DIAPH3: variants seen among roughly 807,000 people sequenced by gnomAD.
DIAPH3 encodes protein diaphanous homolog 3.
In DIAPH3, 117 loss-of-function variants were observed where a neutral mutation model predicts 144.3. The observed-to-expected ratio is 0.81, with a 90% CI of 0.70 to 0.95. The LOEUF is 0.95. Ranked by LOEUF, DIAPH3 falls within the 40% of genes least tolerant of loss-of-function variation. The probability of loss-of-function intolerance (pLI) is 0.00; values close to 1 mark genes in which losing one functional copy is unlikely to be tolerated. For synonymous variants in DIAPH3, 519 were observed against 488.9 expected, an observed-to-expected ratio of 1.06 and a Z score of -0.81; for missense variants, 1,421 against 1,412.7, an observed-to-expected ratio of 1.01 and a Z score of -0.09.
At chr13:59,866,804 A>G (rs2043952565) in intron 21 of DIAPH3, among the ~76,000 whole-genome samples, 1 of 152,080 alleles carries the variant, frequency 6.6e-6, no homozygotes, top group Non-Finnish European at 1.5e-5. Flanking sequence ...GTGTATGCAT[A>G]AAATAGCATC....
rs1353337983 is a variant in DIAPH3, at chr13:60,107,960, G to GA, written c.390+4049dup. On this transcript the variant is annotated intron_variant, in intron 3 of 27. Coordinates refer to ENST00000400324, the MANE Select transcript of DIAPH3 (RefSeq NM_001042517.2). ...AAAATAAGAAAAGGTATGAATGCAT[G>GA]AAAAAAGCTATCTTCCATTCATTAT... 5.9e-5 allele frequency among the ~76,000 whole-genome samples: 9 copies of GA among 152,230 alleles called. No homozygotes were observed. In the East Asian group the frequency reaches 1.5e-3, roughly 26 times the overall value.
chr13:59,819,717 C>G (rs551553995), intron 24 of DIAPH3, among the ~76,000 whole-genome samples: 10 of 150,998 alleles, frequency 6.6e-5, no homozygotes, highest in East Asian at 1.9e-4. Flanking sequence ...ATCAAGAATG[C>G]CTTCAAGAAT....
chr13:59,924,694 A>G (rs1288301831), intron 18 of DIAPH3, 81 bp downstream of exon 18: 12 of 1,522,252 alleles, frequency 7.9e-6, no homozygotes, highest in Non-Finnish European at 3.5e-6. Flanking sequence ...GCAAATAATG[A>G]ATAATCGGTC....
At chr13:60,136,926 C>T (rs916085513) in intron 1 of DIAPH3, among the ~76,000 whole-genome samples, 21 of 140,264 alleles carry the variant, frequency 1.5e-4, no homozygotes, top group Non-Finnish European at 2.5e-4. Context: ...GGCGACAGAG[C>T]GAGACTCCGT....
intron 17 of DIAPH3, among the ~76,000 whole-genome samples, chr13:59,955,194 G>GA (rs2049329537): frequency 6.6e-6 from 1 of 151,440 alleles, no homozygotes; most frequent in African/African-American, 2.4e-5. Flanking sequence ...TATTACTACT[G>GA]ATATGCTTTG....
intron 19 of DIAPH3, among the ~76,000 whole-genome samples, chr13:59,914,391 G>T (rs2140250316): frequency 6.6e-6 from 1 of 152,200 alleles, no homozygotes; most frequent in Non-Finnish European, 1.5e-5. Flanking sequence ...TTACATTTTA[G>T]AAATACCCAA....
intron 17 of DIAPH3, among the ~76,000 whole-genome samples, chr13:59,959,837 T>C (rs927873873): frequency 6.6e-6 from 1 of 152,204 alleles, no homozygotes; most frequent in Non-Finnish European, 1.5e-5. Flanking sequence ...ATAGCAGCAA[T>C]AGAAAACTAA....
Position 59,880,737 on chromosome 13 carries a change from A to G in DIAPH3, c.2368-1269T>C, listed in dbSNP as rs533759843. Among the ~76,000 whole-genome samples the G allele has an allele frequency of 1.5e-3, 221 of 152,226 alleles. 1 individual carries two copies. The highest frequency in any genetic ancestry group is 2.1e-3 in the Non-Finnish European group (144 of 67,992). Reference sequence around the variant, plus strand: ...TACACAACTCTGAGAGAATATTTTCATATAGACCAAAGCCCTATAGTGAAT... The same window carrying G: ...TACACAACTCTGAGAGAATATTTTCGTATAGACCAAAGCCCTATAGTGAAT... On this transcript the variant is annotated intron_variant, in intron 20 of 27. Transcript: ENST00000400324.
intron 25 of DIAPH3, among the ~76,000 whole-genome samples, chr13:59,791,521 T>C (rs1442479352): frequency 2.0e-5 from 3 of 152,136 alleles, no homozygotes; most frequent in East Asian, 3.9e-4. Context: ...AGCCCTGCCA[T>C]AGGGTGGTAG....
At chr13:59,692,167 A>G (rs1489708010) in intron 27 of DIAPH3, among the ~76,000 whole-genome samples, 1 of 139,474 alleles carries the variant, frequency 7.2e-6, no homozygotes, top group Non-Finnish European at 1.5e-5. Flanking sequence ...TTTTTTTTAG[A>G]AAAGAATACA....
At chr13:59,734,915 A>C (rs894263343) in intron 27 of DIAPH3, among the ~76,000 whole-genome samples, 2 of 152,222 alleles carry the variant, frequency 1.3e-5, no homozygotes. Context: ...TTAACACCAC[A>C]GAAGACTCCT....
intron 4 of DIAPH3, among the ~76,000 whole-genome samples, chr13:60,077,817 C>A (rs1320048178): frequency 6.6e-6 from 1 of 152,036 alleles, no homozygotes; most frequent in Non-Finnish European, 1.5e-5. Context: ...GTGGCAGGAT[C>A]TTAGTCTAAA....
intron 25 of DIAPH3, among the ~76,000 whole-genome samples, chr13:59,799,223 G>A (rs1009135407): frequency 8.6e-5 from 13 of 152,014 alleles, no homozygotes; most frequent in African/African-American, 2.7e-4. Flanking sequence ...TGTTATGGAC[G>A]TAGATGCCAA....
At chr13:59,949,363 G>A (rs2048980497) in intron 17 of DIAPH3, among the ~76,000 whole-genome samples, 1 of 152,118 alleles carries the variant, frequency 6.6e-6, no homozygotes. Flanking sequence ...TCTGGGAGAG[G>A]GGAATCAAGA....
At chr13:59,857,292 G>C (rs2043312865) in intron 22 of DIAPH3, among the ~76,000 whole-genome samples, 1 of 152,030 alleles carries the variant, frequency 6.6e-6, no homozygotes, top group Non-Finnish European at 1.5e-5. Context: ...GTGAATAAAA[G>C]ATAAACATTT....
At chr13:59,864,828 T>C (rs2043819459) in intron 21 of DIAPH3, among the ~76,000 whole-genome samples, 1 of 151,942 alleles carries the variant, frequency 6.6e-6, no homozygotes, top group Non-Finnish European at 1.5e-5. Flanking sequence ...AGCAGCATAA[T>C]GGGAACAATC....
In DIAPH3 at chr13:59,862,742, AG is replaced by A. The variant is rs1448984055; in HGVS notation, c.2608-1207del. Among the ~76,000 whole-genome samples the A allele has an allele frequency of 7.9e-5, 12 of 152,282 alleles. No homozygotes were observed. In the East Asian group the frequency reaches 2.3e-3, roughly 29 times the overall value. ...TATTTTTTTTCATGATTGCCCCCTA[AG>A]AAGTTTTTAGGCATTTTTTTCCTAA... On this transcript the variant is annotated intron_variant, in intron 21 of 27. Coordinates refer to ENST00000400324, the MANE Select transcript of DIAPH3 (RefSeq NM_001042517.2).
intron 27 of DIAPH3, chr13:59,695,515 T>A (rs1215319848): frequency 6.6e-6 from 1 of 152,162 alleles, no homozygotes; most frequent in Non-Finnish European, 1.5e-5. Flanking sequence ...AGTAGAAAAG[T>A]CACTAGACAA....
intron 27 of DIAPH3, among the ~76,000 whole-genome samples, chr13:59,759,430 T>C (rs753922645): frequency 1.6e-4 from 25 of 152,310 alleles, no homozygotes; most frequent in Non-Finnish European, 3.4e-4. Context: ...GACACAGAGT[T>C]AATTTCTAGG....
Sources: allele counts gnomAD v4.1 joint callset (sites outside exome capture counted in the v4.1 genomes callset), GRCh38; gene constraint gnomAD v4.1.1; transcripts MANE v1.5; gene names NCBI Gene and HGNC (gene_info 2026-07-23, HGNC 2026-07-21).